Variants in SYNE2 observed in about 807,000 individuals in gnomAD.
SYNE2 encodes spectrin repeat containing nuclear envelope protein 2, also known as nesprin-2.
SYNE2 carries 431 observed loss-of-function variants against 856.3 expected under a neutral mutation model. The observed-to-expected ratio is 0.50, with a 90% confidence interval of 0.47 to 0.55. The LOEUF (loss-of-function observed/expected upper bound fraction) is 0.55. SYNE2 is among the 20% of genes least tolerant of loss of function. The probability of loss-of-function intolerance (pLI) is 0.00; values close to 1 mark genes in which losing one functional copy is unlikely to be tolerated. For missense variants in SYNE2, 8,129 were observed against 8,023.2 expected (o/e 1.01, Z -0.50); for synonymous variants, 2,923 against 2,872.3 (o/e 1.02, Z -0.56).
At chr14:64,080,415 T>G in intron 55 of SYNE2, 41 bp from the exon 56 acceptor site, 3 of 1,603,582 alleles carry the variant, frequency 1.9e-6, no homozygotes, top group South Asian at 1.1e-5. Flanking sequence ...CCATAAACTA[T>G]GACCTCTTCA....
At chr14:63,779,308 C>T (rs987071253) in intron 1 of SYNE2, among the ~76,000 whole-genome samples, 43 of 149,112 alleles carry the variant, frequency 2.9e-4, no homozygotes, top group African/African-American at 8.1e-4. Flanking sequence ...CTGGGCAACA[C>T]GAGCAAAACT....
rs2098715672 is a variant in SYNE2 at position 64,225,619 on chromosome 14, G to A, written c.*93G>A. Reference sequence around the variant, plus strand: ...GACCAATCTGAGTGACTTAGTGTTGGCAAGGTCCCGGGACCTGTGCAGACT... The same window carrying A: ...GACCAATCTGAGTGACTTAGTGTTGACAAGGTCCCGGGACCTGTGCAGACT... On this transcript the variant is annotated 3_prime_UTR_variant, in exon 116 of 116. Transcript: ENST00000555002. 7.2e-7 allele frequency: 1 copy of A among 1,380,894 alleles called. No individual in the cohort carries two copies. The highest frequency in any genetic ancestry group is 2.4e-5 in the East Asian group (1 of 40,880). The allele number at this position is 1,380,894 out of a possible 1,614,324, so 85.5% of individuals were successfully genotyped here. A position where few individuals can be genotyped will look rare whatever the true frequency, so the allele number is the denominator to read the frequency against.
chr14:64,127,117 C>T (rs1169050235), intron 73 of SYNE2, among the ~76,000 whole-genome samples: 1 of 152,028 alleles, frequency 6.6e-6, no homozygotes, highest in East Asian at 1.9e-4. Flanking sequence ...AAAAATTAGC[C>T]GGACATGGTG....
intron 74 of SYNE2, 149 bp from the exon 75 acceptor site, chr14:64,129,633 T>A: frequency 2.7e-6 from 3 of 1,118,174 alleles, no homozygotes; most frequent in Non-Finnish European, 3.8e-6. Context: ...GGCAAGATTG[T>A]TAAGGAGAGC....
intron 19 of SYNE2, among the ~76,000 whole-genome samples, chr14:63,987,067 T>C (rs2153479960): frequency 6.6e-6 from 1 of 152,054 alleles, no homozygotes; most frequent in Admixed American, 6.6e-5. Context: ...TCCTGGCCAA[T>C]ATGGTGAAAT....
intron 1 of SYNE2, among the ~76,000 whole-genome samples, chr14:63,901,008 T>C (rs747799355): frequency 7.9e-5 from 12 of 152,302 alleles, no homozygotes; most frequent in South Asian, 2.1e-4. Context: ...GGCTTTAAAA[T>C]CACTCTGTTA....
At chr14:63,927,814 C>T (rs890012389) in intron 2 of SYNE2, among the ~76,000 whole-genome samples, 1 of 151,902 alleles carries the variant, frequency 6.6e-6, no homozygotes, top group Non-Finnish European at 1.5e-5. Context: ...ATTGCTTGAA[C>T]CTGGGAGGCA....
At chr14:64,086,494 G>A (rs1009978828) in intron 57 of SYNE2, among the ~76,000 whole-genome samples, 1 of 151,896 alleles carries the variant, frequency 6.6e-6, no homozygotes, top group African/African-American at 2.4e-5. Flanking sequence ...TTTGTATTTC[G>A]ATATAAATCT....
Position 64,119,549 on chromosome 14 carries a change from A to C in SYNE2, c.12963A>C (p.Thr4321=). ...AAGCGCTTTCCCTGAAACTGAAAAC[A>C]GTGAAGTGCAATTTAGAAAAAGTCC... ...EAEALSLKLK[T]VKCNLEKVQM... is the part of the protein sequence containing the mutation. The change falls in exon 67 of 116, where the codon ACA becomes ACC. Residue 4321 remains threonine, a synonymous_variant. Coordinates refer to ENST00000555002, the MANE Select transcript of SYNE2 (RefSeq NM_182914.3). 3 of 1,614,238 alleles carry C rather than the reference A, an allele frequency of 1.9e-6. No individual in the cohort carries two copies.
chr14:64,060,559 G>A (rs983767712), intron 49 of SYNE2, among the ~76,000 whole-genome samples: 1 of 152,118 alleles, frequency 6.6e-6, no homozygotes, highest in African/African-American at 2.4e-5. Context: ...CTCTCCTCAA[G>A]TAGAAAGAAG....
rs948706054 is a variant in SYNE2, at chr14:64,129,030, C to A, written c.14019+477C>A. ...AGTGCATAAAGATAAATATTTTGGCCAGGTTGGTGGCTCACGCCTGTAATC... is the reference window on the plus strand; with the variant it reads ...AGTGCATAAAGATAAATATTTTGGCAAGGTTGGTGGCTCACGCCTGTAATC... On this transcript the variant is annotated intron_variant, in intron 74 of 115. Transcript: ENST00000555002. Among the ~76,000 whole-genome samples the A allele has an allele frequency of 2.6e-5, 4 of 152,282 alleles. No homozygotes were observed. In the South Asian group the frequency reaches 8.3e-4, roughly 32 times the overall value.
chr14:64,186,275 C>A lies in SYNE2; in HGVS notation c.17557-149C>A, dbSNP rs577728139. The A allele has an allele frequency of 1.4e-4, 133 of 960,690 alleles. 1 individual carries two copies. The African/African-American group carries it at 1.8e-3, about 13-fold the overall frequency. The allele number at this position is 960,690 out of a possible 1,614,324, so 59.5% of individuals were successfully genotyped here. ...CTGGCCAACCACAACTGCAGGCGCT[C>A]GTCTTGGGCTGTTTCCCATTCAGAA... On this transcript the variant is annotated intron_variant, in intron 96 of 115. Transcript: ENST00000555002.
intron 18 of SYNE2, among the ~76,000 whole-genome samples, chr14:63,986,013 A>G (rs1430904713): frequency 6.6e-6 from 1 of 152,228 alleles, no homozygotes; most frequent in African/African-American, 2.4e-5. Context: ...ATATAGAAGA[A>G]AAAAGTTATT....
intron 78 of SYNE2, among the ~76,000 whole-genome samples, chr14:64,136,572 G>T (rs2098091703): frequency 6.6e-6 from 1 of 152,114 alleles, no homozygotes. Flanking sequence ...CAGGTGTCAG[G>T]ATAAATGGCA....
At chr14:63,861,705 T>G (rs1893784488) in intron 1 of SYNE2, among the ~76,000 whole-genome samples, 2 of 151,910 alleles carry the variant, frequency 1.3e-5, no homozygotes, top group South Asian at 4.2e-4. Context: ...GAGGATCGCC[T>G]GAGCCTGGGG....
In SYNE2 at chr14:64,207,780, G is replaced by C. The variant is rs189073328; in HGVS notation, c.18202-978G>C. 3.6e-4 allele frequency among the ~76,000 whole-genome samples: 55 copies of C among 151,746 alleles called. 1 individual carries two copies. Among genetic ancestry groups the C allele is most frequent in the Non-Finnish European group, 6.3e-4 (43 of 67,902 alleles). ...AAAGTAGTGTAGATTTTAGAAATTG[G>C]TATATTATCAAATAATTAAAATAGA... On this transcript the variant is annotated intron_variant, in intron 100 of 115. Transcript: ENST00000555002.
In SYNE2 at chr14:63,921,772, A is replaced by C. The variant is rs566342710; in HGVS notation, c.79+12545A>C. Among the ~76,000 whole-genome samples, 366 of 152,292 alleles carry C rather than the reference A, an allele frequency of 2.4e-3. 1 individual carries two copies. The highest frequency in any genetic ancestry group is 3.6e-3 in the Non-Finnish European group (243 of 68,018). ...TATAGTGGGTTGAGACATGAGTGGT[A>C]GGTAAGGAAGTAAAAATAGCCAGTG... On this transcript the variant is annotated intron_variant, in intron 2 of 115. Transcript: ENST00000555002.
intron 1 of SYNE2, among the ~76,000 whole-genome samples, chr14:63,866,816 T>G (rs542233727): frequency 1.3e-5 from 2 of 151,846 alleles, no homozygotes; most frequent in Non-Finnish European, 2.9e-5. Context: ...TACAAAAAAT[T>G]TAAAAATTAG....
intron 96 of SYNE2, among the ~76,000 whole-genome samples, chr14:64,185,601 A>G (rs1470280260): frequency 7.1e-6 from 1 of 140,974 alleles, no homozygotes; most frequent in East Asian, 2.1e-4. Flanking sequence ...TCTCACTGCA[A>G]CCTCCGCCTC....
Sources: allele counts gnomAD v4.1 joint callset (sites outside exome capture counted in the v4.1 genomes callset), GRCh38; gene constraint gnomAD v4.1.1; transcripts MANE v1.5; gene names NCBI Gene and HGNC (gene_info 2026-07-23, HGNC 2026-07-21).